Variants in ATRNL1 observed in about 807,000 individuals in gnomAD.
ATRNL1 encodes attractin like 1.
A neutral mutation model predicts 182.7 loss-of-function variants in ATRNL1; 95 were observed. The ratio of observed to expected loss-of-function variants is 0.52; its 90% confidence interval spans 0.44 to 0.62. The LOEUF (loss-of-function observed/expected upper bound fraction) is 0.62. Among genes scored for constraint, ATRNL1 ranks in the 20% least tolerant of loss-of-function variants. The pLI, the probability that ATRNL1 is intolerant of heterozygous loss-of-function variation, is 0.00. For missense variants in ATRNL1, 1,471 were observed against 1,679.5 expected, an observed-to-expected ratio of 0.88 and a Z score of 2.17; for synonymous variants, 576 against 568.3, an observed-to-expected ratio of 1.01 and a Z score of -0.19.
chr10:115,132,103 C>T (rs1031608228), intron 5 of ATRNL1, among the ~76,000 whole-genome samples: 1 of 151,106 alleles, frequency 6.6e-6, no homozygotes, highest in Admixed American at 6.6e-5. Flanking sequence ...ACAACAGGCC[C>T]CAGTGTGGGA....
chr10:115,586,302 C>T (rs1555009885), intron 26 of ATRNL1, among the ~76,000 whole-genome samples: 1 of 68,098 alleles, frequency 1.5e-5, no homozygotes, highest in Non-Finnish European at 3.4e-5. Context: ...CGTTGGCCTG[C>T]CTTGCTAGAT....
intron 1 of ATRNL1, among the ~76,000 whole-genome samples, chr10:115,114,324 A>G (rs1271476284): frequency 1.3e-5 from 2 of 152,230 alleles, no homozygotes; most frequent in African/African-American, 4.8e-5. Flanking sequence ...GAGAAAAGCT[A>G]TGACTTTGGT....
intron 28 of ATRNL1, among the ~76,000 whole-genome samples, chr10:115,925,321 AC>A (rs1953193345): frequency 6.6e-6 from 1 of 152,088 alleles, no homozygotes; most frequent in African/African-American, 2.4e-5. Flanking sequence ...AAATATAAAG[AC>A]CAATGACACT....
At chr10:115,578,621 C>T (rs1473059367) in intron 26 of ATRNL1, among the ~76,000 whole-genome samples, 1 of 150,458 alleles carries the variant, frequency 6.6e-6, no homozygotes, top group Non-Finnish European at 1.5e-5. Context: ...ATTTTAATGT[C>T]ATCTTCTCTC....
At chr10:115,705,142 A>G (rs1555052706) in intron 26 of ATRNL1, among the ~76,000 whole-genome samples, 1 of 152,044 alleles carries the variant, frequency 6.6e-6, no homozygotes. Flanking sequence ...TGTTAATTGA[A>G]CCAAACCAAT....
At chr10:115,877,132 G>T (rs2134430564) in intron 28 of ATRNL1, among the ~76,000 whole-genome samples, 1 of 152,308 alleles carries the variant, frequency 6.6e-6, no homozygotes, top group East Asian at 1.9e-4. Flanking sequence ...GGCTTTCTTA[G>T]AAGCACGAGA....
intron 25 of ATRNL1, among the ~76,000 whole-genome samples, chr10:115,526,741 G>A (rs896385867): frequency 6.6e-6 from 1 of 152,118 alleles, no homozygotes; most frequent in African/African-American, 2.4e-5. Context: ...CAATAAACGT[G>A]TTAGGGGAAC....
intron 28 of ATRNL1, among the ~76,000 whole-genome samples, chr10:115,879,846 G>C (rs1951787396): frequency 6.6e-6 from 1 of 152,140 alleles, no homozygotes; most frequent in Non-Finnish European, 1.5e-5. Context: ...AATCAGGGGA[G>C]CCTCGGAGAG....
chr10:115,423,083 A>G (rs1845719102), intron 20 of ATRNL1, among the ~76,000 whole-genome samples: 1 of 152,198 alleles, frequency 6.6e-6, no homozygotes, highest in Admixed American at 6.5e-5. Context: ...AAAATAAAAC[A>G]GTGTAATTGG....
At chr10:115,653,400 T>G (rs1860134201) in intron 26 of ATRNL1, among the ~76,000 whole-genome samples, 1 of 152,206 alleles carries the variant, frequency 6.6e-6, no homozygotes, top group African/African-American at 2.4e-5. Flanking sequence ...TCAATGTGAC[T>G]TCTTGCCCCA....
chr10:115,946,818 C>G lies in ATRNL1; in HGVS notation c.*2039C>G, dbSNP rs1953886644. 1 of 151,952 alleles carries G rather than the reference C, an allele frequency of 6.6e-6. No individual in the cohort carries two copies. The highest frequency in any genetic ancestry group is 1.5e-5 in the Non-Finnish European group (1 of 67,986). The allele number at this position is 151,952 out of a possible 1,614,324, so 9.4% of individuals were successfully genotyped here. ...ATAATCATTTTTTAAAAAGTGATTG[C>G]CCAATGTATTTCTCTAACAATTGTC... On this transcript the variant is annotated 3_prime_UTR_variant, in exon 29 of 29. Transcript: ENST00000355044.
chr10:115,931,123 T>C lies in ATRNL1; in HGVS notation c.4019-13535T>C, dbSNP rs544536770. Among the ~76,000 whole-genome samples, 6 of 152,312 alleles carry C rather than the reference T, an allele frequency of 3.9e-5. No individual in the cohort carries two copies. The East Asian group carries it at 9.6e-4, about 24-fold the overall frequency. On this transcript the variant is annotated intron_variant, in intron 28 of 28. Transcript: ENST00000355044. ...ATATCCAGGTTGATTATAAGCCATA[T>C]ATTTGTCTTTTCAAGATTTGCTTTT...
intron 28 of ATRNL1, among the ~76,000 whole-genome samples, chr10:115,917,148 A>G (rs1952883679): frequency 1.3e-5 from 2 of 151,916 alleles, no homozygotes; most frequent in Admixed American, 6.6e-5. Context: ...TACCTTGGGC[A>G]CTCTCTGGAT....
intron 24 of ATRNL1, among the ~76,000 whole-genome samples, chr10:115,515,381 G>A (rs1850587686): frequency 1.4e-5 from 2 of 147,662 alleles, no homozygotes; most frequent in Non-Finnish European, 3.0e-5. Context: ...GGAAGTCAAG[G>A]ATATCAAAAA....
intron 8 of ATRNL1, among the ~76,000 whole-genome samples, chr10:115,179,800 T>G (rs879958074): frequency 6.6e-6 from 1 of 152,152 alleles, no homozygotes; most frequent in Non-Finnish European, 1.5e-5. Context: ...TCCATTTCTA[T>G]GCTTATTTTT....
At chr10:115,360,078 G>A (rs2134153086) in intron 19 of ATRNL1, among the ~76,000 whole-genome samples, 1 of 151,522 alleles carries the variant, frequency 6.6e-6, no homozygotes, top group Non-Finnish European at 1.5e-5. Context: ...TAAAAATTAA[G>A]CACTAGTGTT....
chr10:115,140,129 A>G (rs1554877692), intron 5 of ATRNL1, among the ~76,000 whole-genome samples: 1 of 152,228 alleles, frequency 6.6e-6, no homozygotes, highest in African/African-American at 2.4e-5. Flanking sequence ...ACATCTTTGC[A>G]TCACTTATTA....
chr10:115,155,328 A>G (rs1191064524), intron 5 of ATRNL1, among the ~76,000 whole-genome samples: 1 of 151,790 alleles, frequency 6.6e-6, no homozygotes, highest in Non-Finnish European at 1.5e-5. Context: ...ATATATGGGG[A>G]CTTAATTATA....
chr10:115,699,171 G>C (rs956207270), intron 26 of ATRNL1, among the ~76,000 whole-genome samples: 4 of 152,034 alleles, frequency 2.6e-5, no homozygotes, highest in African/African-American at 9.7e-5. Context: ...AAAAGATCTA[G>C]TAAAGTCATC....
Sources: allele counts gnomAD v4.1 joint callset (sites outside exome capture counted in the v4.1 genomes callset), GRCh38; gene constraint gnomAD v4.1.1; transcripts MANE v1.5; gene names NCBI Gene and HGNC (gene_info 2026-07-23, HGNC 2026-07-21).